BTBD9: variants seen among roughly 807,000 people sequenced by gnomAD.
BTBD9 encodes the protein BTB/POZ domain-containing protein 9.
Under a neutral mutation model 64.3 loss-of-function variants are expected in BTBD9, and 49 were observed. That is an observed-to-expected ratio of 0.76 (90% CI 0.61 to 0.97). The LOEUF (loss-of-function observed/expected upper bound fraction) is 0.97. BTBD9 is among the 50% of genes least tolerant of loss of function. BTBD9 has a pLI of 0.00. For missense variants in BTBD9, 598 were observed against 762.1 expected, an observed-to-expected ratio of 0.78 and a Z score of 2.53; for synonymous variants, 260 against 274.7, an observed-to-expected ratio of 0.95 and a Z score of 0.53.
At chr6:38,311,839 A>G (rs556587064) in intron 7 of BTBD9, among the ~76,000 whole-genome samples, 2 of 152,184 alleles carry the variant, frequency 1.3e-5, no homozygotes, top group East Asian at 3.9e-4. Flanking sequence ...TCAATAATTT[A>G]GAGTACCTGA....
chr6:38,258,813 C>A (rs537722151), intron 8 of BTBD9, among the ~76,000 whole-genome samples: 2 of 152,260 alleles, frequency 1.3e-5, no homozygotes, highest in East Asian at 3.9e-4. Context: ...TCGCTTGAAT[C>A]CAGGAGGCGG....
chr6:38,562,821 A>C (rs1399564410), intron 6 of BTBD9, among the ~76,000 whole-genome samples: 1 of 152,200 alleles, frequency 6.6e-6, no homozygotes, highest in Non-Finnish European at 1.5e-5. Context: ...CTTGGAATGA[A>C]TTTTGCCAAC....
chr6:38,445,131 G>C (rs549374973), intron 6 of BTBD9, among the ~76,000 whole-genome samples: 12 of 152,186 alleles, frequency 7.9e-5, no homozygotes, highest in Admixed American at 2.0e-4. Flanking sequence ...TGTCAGCGTG[G>C]GTCCCTGAGT....
intron 6 of BTBD9, among the ~76,000 whole-genome samples, chr6:38,561,138 G>A (rs1775245579): frequency 6.6e-6 from 1 of 152,078 alleles, no homozygotes; most frequent in Non-Finnish European, 1.5e-5. Flanking sequence ...TCTGTTTCTA[G>A]TTCTTTAAAG....
At chr6:38,410,198 T>C (rs975617938) in intron 6 of BTBD9, among the ~76,000 whole-genome samples, 1 of 152,210 alleles carries the variant, frequency 6.6e-6, no homozygotes, top group African/African-American at 2.4e-5. Flanking sequence ...TGTCCAGGCA[T>C]GGTGGCTCAC....
chr6:38,604,209 C>G (rs1173681078), intron 1 of BTBD9, among the ~76,000 whole-genome samples: 1 of 152,182 alleles, frequency 6.6e-6, no homozygotes, highest in Non-Finnish European at 1.5e-5. Context: ...TCCTGACATA[C>G]CTTCTTCTCT....
intron 9 of BTBD9, among the ~76,000 whole-genome samples, chr6:38,211,435 G>A (rs115927740): frequency 1.9e-3 from 253 of 134,554 alleles, no homozygotes; most frequent in Middle Eastern, 3.9e-3. Flanking sequence ...TCTCACAAAA[G>A]AAAAAAAAAA....
At chr6:38,550,556 T>G (rs769895545) in intron 6 of BTBD9, among the ~76,000 whole-genome samples, 6 of 152,134 alleles carry the variant, frequency 3.9e-5, no homozygotes, top group Non-Finnish European at 7.4e-5. Context: ...GACCTCATGA[T>G]CTGCCCACCT....
At chr6:38,496,720 G>GA (rs1424424055) in intron 6 of BTBD9, among the ~76,000 whole-genome samples, 1 of 151,806 alleles carries the variant, frequency 6.6e-6, no homozygotes, top group African/African-American at 2.4e-5. Flanking sequence ...AGGGTAAAGG[G>GA]AAAAAGGACT....
rs140001985 is a variant in BTBD9, at chr6:38,416,691, C to T, written c.1155-71598G>A. Among the ~76,000 whole-genome samples the T allele has an allele frequency of 1.3e-3, 192 of 151,888 alleles. 1 individual carries two copies. The highest frequency in any genetic ancestry group is 2.0e-3 in the Non-Finnish European group (139 of 67,938). ...CCTGGAGCCACTCTCTAATGTCACACTTACCTTATTCACATCTTTCAGTTT... is the reference window on the plus strand; with the variant it reads ...CCTGGAGCCACTCTCTAATGTCACATTTACCTTATTCACATCTTTCAGTTT... On this transcript the variant is annotated intron_variant, in intron 6 of 10. Transcript: ENST00000481247.
At chr6:38,378,077 G>A (rs944463306) in intron 6 of BTBD9, among the ~76,000 whole-genome samples, 1 of 151,926 alleles carries the variant, frequency 6.6e-6, no homozygotes, top group Non-Finnish European at 1.5e-5. Context: ...AACTTCCCAT[G>A]GCTCCGCCCC....
chr6:38,312,588 A>C (rs1325559864), intron 7 of BTBD9, among the ~76,000 whole-genome samples: 1 of 152,124 alleles, frequency 6.6e-6, no homozygotes, highest in Non-Finnish European at 1.5e-5. Context: ...GTATATGGAG[A>C]GGGAGATAGA....
chr6:38,452,411 C>T (rs1297578847), intron 6 of BTBD9, among the ~76,000 whole-genome samples: 1 of 151,834 alleles, frequency 6.6e-6, no homozygotes, highest in East Asian at 1.9e-4. Flanking sequence ...TTTGAAATTG[C>T]TAAGTTTAAC....
intron 8 of BTBD9, among the ~76,000 whole-genome samples, chr6:38,266,652 AAGAAAG>A (rs1295995233): frequency 1.5e-5 from 2 of 137,058 alleles, no homozygotes; most frequent in East Asian, 4.1e-4. Context: ...GAAAGAAAGA[AAGAAAG>A]AAAGAAAGAA....
At chr6:38,457,897 G>A (rs910224544) in intron 6 of BTBD9, among the ~76,000 whole-genome samples, 3 of 152,090 alleles carry the variant, frequency 2.0e-5, no homozygotes, top group Non-Finnish European at 4.4e-5. Context: ...TTAACAAATC[G>A]TATTGCCTGA....
chr6:38,280,030 C>T (rs1157675630), intron 8 of BTBD9, among the ~76,000 whole-genome samples: 1 of 151,804 alleles, frequency 6.6e-6, no homozygotes, highest in Non-Finnish European at 1.5e-5. Context: ...TGGCATTTAA[C>T]TTTTCCTGCT....
chr6:38,311,962 C>G (rs894824619), intron 7 of BTBD9, among the ~76,000 whole-genome samples: 1 of 152,070 alleles, frequency 6.6e-6, no homozygotes, highest in African/African-American at 2.4e-5. Flanking sequence ...CCTGGGTCCA[C>G]GCCATTCTCC....
At chr6:38,232,620 A>ATTTAT (rs1430888786) in intron 9 of BTBD9, among the ~76,000 whole-genome samples, 1 of 149,836 alleles carries the variant, frequency 6.7e-6, no homozygotes, top group Non-Finnish European at 1.5e-5. Flanking sequence ...GTTCACTTTT[A>ATTTAT]TTTATTTTAT....
intron 10 of BTBD9, among the ~76,000 whole-genome samples, chr6:38,189,681 T>G (rs1430773041): frequency 1.3e-5 from 2 of 151,948 alleles, no homozygotes; most frequent in Non-Finnish European, 2.9e-5. Context: ...TTCTTTTTTT[T>G]TTTTCTTATT....
Sources: gnomAD v4.1 joint callset for allele counts (sites outside exome capture counted in the v4.1 genomes callset) on GRCh38, gnomAD v4.1.1 for gene constraint, MANE v1.5 for transcripts, NCBI Gene and HGNC (gene_info 2026-07-23, HGNC 2026-07-21) for gene names.